SNED1: variants seen among roughly 807,000 people sequenced by gnomAD.
The protein encoded by SNED1 is sushi, nidogen and EGF like domains 1.
A neutral mutation model predicts 166.7 loss-of-function variants in SNED1; 81 were observed. That is an observed-to-expected ratio of 0.49 (90% CI 0.41 to 0.58). SNED1 has a LOEUF of 0.58. SNED1 is among the 20% of genes least tolerant of loss of function. SNED1 has a pLI of 0.00. For missense variants in SNED1, 1,604 were observed against 2,000.2 expected, an observed-to-expected ratio of 0.80 and a Z score of 3.78; for synonymous variants, 762 against 822.0, an observed-to-expected ratio of 0.93 and a Z score of 1.25.
intron 1 of SNED1, among the ~76,000 whole-genome samples, chr2:241,001,981 C>T (rs2060089983): frequency 6.6e-6 from 1 of 152,196 alleles, no homozygotes. Context: ...TCGTGCCACA[C>T]CGCAAGTCTG....
chr2:241,005,779 C>G (rs187842354), intron 1 of SNED1, among the ~76,000 whole-genome samples: 1 of 151,982 alleles, frequency 6.6e-6, no homozygotes, highest in Non-Finnish European at 1.5e-5. Flanking sequence ...CCATCTTTGT[C>G]CCTCCGCATA....
At position 241,069,108 on chromosome 2, in the gene SNED1, C is replaced by A; in HGVS notation, c.3307+85C>A. The A allele has an allele frequency of 1.1e-6, 1 of 906,366 alleles. No individual in the cohort carries two copies. Among genetic ancestry groups the A allele is most frequent in the Non-Finnish European group, 1.7e-6 (1 of 604,232 alleles). 56.1% of individuals were successfully genotyped at this position (906,366 alleles called of 1,614,324 possible). ...CCTTCCAGCCTCCCCTAGTCCTCTC[C>A]AAAGCGTCCACAACACCAGAAACCC... On this transcript the variant is annotated intron_variant, in intron 23 of 31. Coordinates refer to ENST00000310397, the MANE Select transcript of SNED1 (RefSeq NM_001080437.3). The surrounding 1 kb of genome is among the most constrained non-coding windows in gnomAD (Gnocchi z 4.9).
intron 8 of SNED1, among the ~76,000 whole-genome samples, chr2:241,043,482 A>G (rs776945996): frequency 7.2e-5 from 11 of 152,198 alleles, no homozygotes; most frequent in Admixed American, 1.3e-4. Context: ...ATTCATCACC[A>G]GCATACCTGC....
chr2:241,014,339 T>C (rs1163775077), intron 1 of SNED1, among the ~76,000 whole-genome samples: 1 of 152,188 alleles, frequency 6.6e-6, no homozygotes, highest in Non-Finnish European at 1.5e-5. Flanking sequence ...CTTGAAGGCA[T>C]GTCCCAGTGC....
At chr2:241,061,272 T>C (rs1019634259) in intron 16 of SNED1, among the ~76,000 whole-genome samples, 3 of 152,138 alleles carry the variant, frequency 2.0e-5, no homozygotes, top group African/African-American at 7.2e-5. Flanking sequence ...AAAAGAAATA[T>C]TCTATTTCAT....
At chr2:241,028,493 A>G (rs192670843) in intron 1 of SNED1, among the ~76,000 whole-genome samples, 1 of 152,354 alleles carries the variant, frequency 6.6e-6, no homozygotes, top group East Asian at 1.9e-4. Context: ...GCCCAACTTC[A>G]TCCTTTTGTA....
At chr2:241,078,034 T>C (rs546325236) in intron 27 of SNED1, among the ~76,000 whole-genome samples, 1 of 152,120 alleles carries the variant, frequency 6.6e-6, no homozygotes, top group African/African-American at 2.4e-5. Context: ...CAAATATTTA[T>C]AGCAGCACAG....
intron 16 of SNED1, among the ~76,000 whole-genome samples, chr2:241,057,604 A>G (rs2062098675): frequency 6.6e-6 from 1 of 151,772 alleles, no homozygotes; most frequent in Admixed American, 6.6e-5. Context: ...GGATCACTTG[A>G]GCCCAGGAAT....
At chr2:241,087,640 T>C in intron 30 of SNED1, 165 bp downstream of exon 30, 1 of 1,427,818 alleles carries the variant, frequency 7.0e-7, no homozygotes, top group East Asian at 2.5e-5. Flanking sequence ...CGAAACTGTA[T>C]GTCCATATAT....
intron 1 of SNED1, among the ~76,000 whole-genome samples, chr2:241,017,043 G>T (rs374476966): frequency 1.4e-4 from 21 of 152,006 alleles, no homozygotes; most frequent in African/African-American, 5.1e-4. Context: ...TAGAGACGGG[G>T]TTTCTCCATG....
intron 15 of SNED1, 56 bp downstream of exon 15, chr2:241,052,524 G>A: frequency 7.4e-7 from 1 of 1,354,824 alleles, no homozygotes; most frequent in African/African-American, 1.7e-5. Flanking sequence ...CCAGGCAGGT[G>A]AGATGGCCAG....
chr2:241,029,367 A>G (rs1469070666), intron 1 of SNED1, among the ~76,000 whole-genome samples: 3 of 152,248 alleles, frequency 2.0e-5, no homozygotes, highest in South Asian at 2.1e-4. Flanking sequence ...TTCCTGGGCC[A>G]TAGATGGCAT....
Position 241,049,143 on chromosome 2 carries a change from G to T in SNED1, c.1618+8G>T. ...ACCACAATGCCAGCCACTGTGAGTA[G>T]CTCGGGGACGAGCCTGCTGGGCCGG... On this transcript the variant is annotated splice_region_variant and intron_variant, in intron 11 of 31. Transcript: ENST00000310397. 2 of 1,605,250 alleles carry T rather than the reference G, an allele frequency of 1.2e-6. No homozygotes were observed. Among genetic ancestry groups the T allele is most frequent in the Non-Finnish European group, 1.7e-6 (2 of 1,175,102 alleles).
intron 1 of SNED1, among the ~76,000 whole-genome samples, chr2:241,017,863 G>A (rs532345796): frequency 2.6e-5 from 4 of 152,320 alleles, no homozygotes; most frequent in South Asian, 4.1e-4. Flanking sequence ...TGTTATCCCT[G>A]TGGCCCATGC....
chr2:241,011,191 C>G (rs1204134229), intron 1 of SNED1, among the ~76,000 whole-genome samples: 1 of 145,140 alleles, frequency 6.9e-6, no homozygotes, highest in East Asian at 2.0e-4. Flanking sequence ...CCTGGGTCTC[C>G]TGGGGGTGGC....
intron 2 of SNED1, among the ~76,000 whole-genome samples, chr2:241,032,508 A>G (rs1290297169): frequency 1.3e-5 from 2 of 151,616 alleles, no homozygotes; most frequent in Non-Finnish European, 2.9e-5. Context: ...CGGGGGAGGG[A>G]TAGCATTAGG....
chr2:241,027,201 C>T (rs2060996982), intron 1 of SNED1, among the ~76,000 whole-genome samples: 1 of 152,112 alleles, frequency 6.6e-6, no homozygotes, highest in African/African-American at 2.4e-5. Flanking sequence ...GTGCTTCAGC[C>T]TCCTGAGTAG....
rs1318991370 is a variant in SNED1, at chr2:241,094,109, T to G, written c.*2473T>G. 1 of 351,254 alleles carries G rather than the reference T, an allele frequency of 2.8e-6. No homozygotes were observed. The highest frequency in any genetic ancestry group is 2.2e-5 in the African/African-American group (1 of 46,242). 21.8% of individuals were successfully genotyped at this position (351,254 alleles called of 1,614,324 possible). A position where few individuals can be genotyped will look rare whatever the true frequency, so the allele number is the denominator to read the frequency against. On this transcript the variant is annotated 3_prime_UTR_variant, in exon 32 of 32. Transcript: ENST00000310397. This position sits in a 1 kb window ranked among gnomAD's most constrained non-coding sequence, Gnocchi z 4.3. ...GAAAACACTGGCACAGTGAAATGTC[T>G]CATTTCCAAACAGTTTTGCCTATGG...
intron 29 of SNED1, among the ~76,000 whole-genome samples, chr2:241,083,289 G>T (rs1345438865): frequency 6.6e-6 from 1 of 152,168 alleles, no homozygotes; most frequent in African/African-American, 2.4e-5. Context: ...AGTGTCCCTG[G>T]CATGTTGGGG....
Sources: gnomAD v4.1 joint callset for allele counts (sites outside exome capture counted in the v4.1 genomes callset) on GRCh38, gnomAD v4.1.1 for gene constraint, Gnocchi (gnomAD v3.1) non-coding constraint, MANE v1.5 for transcripts, NCBI Gene and HGNC (gene_info 2026-07-23, HGNC 2026-07-21) for gene names.